CACNA1C: variants seen among roughly 807,000 people sequenced by gnomAD.
The protein encoded by CACNA1C is calcium voltage-gated channel subunit alpha1 C.
In CACNA1C, 30 loss-of-function variants were observed where a neutral mutation model predicts 229.0. The ratio of observed to expected loss-of-function variants is 0.13; its 90% confidence interval spans 0.10 to 0.18. The LOEUF is 0.18. CACNA1C is among the 10% of genes least tolerant of loss of function. The pLI is 1.00. For synonymous variants in CACNA1C, 1,114 were observed against 1,132.5 expected (o/e 0.98, Z 0.33); for missense variants, 1,658 against 2,845.0 (o/e 0.58, Z 9.49).
chr12:2,284,825 C>T (rs2092362526), intron 3 of CACNA1C, among the ~76,000 whole-genome samples: 1 of 152,228 alleles, frequency 6.6e-6, no homozygotes, highest in Non-Finnish European at 1.5e-5. Flanking sequence ...ATGCCCGCTG[C>T]TCCAAGGGGA....
At chr12:2,623,305 G>A (rs1466051439) in intron 29 of CACNA1C, among the ~76,000 whole-genome samples, 1 of 152,006 alleles carries the variant, frequency 6.6e-6, no homozygotes, top group South Asian at 2.1e-4. Flanking sequence ...CAGAAGCTTC[G>A]CTGTTCCTCG....
At chr12:2,576,682 C>T (rs528335029) in intron 13 of CACNA1C, among the ~76,000 whole-genome samples, 4 of 152,228 alleles carry the variant, frequency 2.6e-5, no homozygotes, top group African/African-American at 4.8e-5. Flanking sequence ...CATAGCTGTG[C>T]GAGCCATCAG....
rs1021418412 is a variant in CACNA1C at position 2,487,109 on chromosome 12, A to G, written c.916+847A>G. On this transcript the variant is annotated intron_variant, in intron 6 of 46. Transcript: ENST00000399655. Reference sequence around the variant, plus strand: ...ACAGAAATTGACAAGGCTTTTAAACAGACATATACAGTGGCTTAACACAAA... The same window carrying G: ...ACAGAAATTGACAAGGCTTTTAAACGGACATATACAGTGGCTTAACACAAA... 5.9e-5 allele frequency among the ~76,000 whole-genome samples: 9 copies of G among 152,190 alleles called. No individual in the cohort carries two copies. The East Asian group carries it at 1.7e-3, about 29-fold the overall frequency.
At chr12:2,112,018 C>T (rs2081962285) in intron 1 of CACNA1C, among the ~76,000 whole-genome samples, 1 of 152,194 alleles carries the variant, frequency 6.6e-6, no homozygotes, top group Non-Finnish European at 1.5e-5. Flanking sequence ...TGCACCTTGT[C>T]TGTCACCATG....
In CACNA1C at chr12:2,378,798, C is replaced by T. The variant is rs182384028; in HGVS notation, c.478-70178C>T. On this transcript the variant is annotated intron_variant, in intron 3 of 46. Coordinates refer to ENST00000399655, the MANE Select transcript of CACNA1C (RefSeq NM_000719.7). ...ATTTGGGTCCTTCCTTCCTTCCTTC[C>T]TTCCTTCCTTCCTTCCTTCCTCTCT... is the stretch of plus-strand genomic sequence containing the variant. Among the ~76,000 whole-genome samples, 10 of 137,866 alleles carry T rather than the reference C, an allele frequency of 7.3e-5. 1 individual carries two copies. The highest frequency in any genetic ancestry group is 7.2e-4 in the Admixed American group (10 of 13,808). 90.4% of individuals were successfully genotyped at this position (137,866 alleles called of 152,430 possible). A position where few individuals can be genotyped will look rare whatever the true frequency, so the allele number is the denominator to read the frequency against.
At chr12:2,435,151 G>A (rs1409996140) in intron 3 of CACNA1C, among the ~76,000 whole-genome samples, 1 of 152,194 alleles carries the variant, frequency 6.6e-6, no homozygotes, top group South Asian at 2.1e-4. Context: ...TGAGGATCTT[G>A]TGTTTCTCAT....
At chr12:2,001,177 C>T (rs1040237993) in intron 1 of CACNA1C, among the ~76,000 whole-genome samples, 16 of 152,248 alleles carry the variant, frequency 1.1e-4, no homozygotes, top group African/African-American at 1.9e-4. Context: ...CCCAAATTCA[C>T]GCATTTTCCT....
At chr12:2,614,610 T>A (rs545017316) in intron 29 of CACNA1C, 2 of 152,234 alleles carry the variant, frequency 1.3e-5, no homozygotes, top group Non-Finnish European at 2.9e-5. Context: ...ATGACAACTT[T>A]CATTTCCCAC....
At chr12:2,447,860 G>A (rs1596507655) in intron 3 of CACNA1C, among the ~76,000 whole-genome samples, 1 of 152,376 alleles carries the variant, frequency 6.6e-6, no homozygotes, top group East Asian at 1.9e-4. Context: ...GGGAAAATGG[G>A]TCTAGGGGTT....
chr12:2,048,366 C>G (rs979089599), upstream of CACNA1C: 1 of 152,206 alleles, frequency 6.6e-6, no homozygotes, highest in Non-Finnish European at 1.5e-5. Flanking sequence ...TCTGACTCCA[C>G]TCTTCCTACT....
chr12:2,271,741 A>T (rs2085087470), intron 3 of CACNA1C, among the ~76,000 whole-genome samples: 1 of 151,994 alleles, frequency 6.6e-6, no homozygotes, highest in Non-Finnish European at 1.5e-5. Context: ...TCTACAAAAA[A>T]AAAAATTAGC....
At position 2,053,699 on chromosome 12, in the gene CACNA1C, C is replaced by G; in HGVS notation, c.49+88C>G. ...CCCGCGCTCCCCGCGGCCCCGGGGCCGGTCCCTGCGGAGTGGCCCGGGGCC... is the reference window on the plus strand; with the variant it reads ...CCCGCGCTCCCCGCGGCCCCGGGGCGGGTCCCTGCGGAGTGGCCCGGGGCC... On this transcript the variant is annotated intron_variant, in intron 1 of 46. Transcript: ENST00000399655. This position sits in a 1 kb window ranked among gnomAD's most constrained non-coding sequence, Gnocchi z 5.8. The G allele has an allele frequency of 8.6e-7, 1 of 1,168,032 alleles. No homozygotes were observed. Among genetic ancestry groups the G allele is most frequent in the Non-Finnish European group, 1.1e-6 (1 of 913,944 alleles). 72.4% of individuals were successfully genotyped at this position (1,168,032 alleles called of 1,614,324 possible).
intron 13 of CACNA1C, among the ~76,000 whole-genome samples, chr12:2,577,743 T>G (rs374749069): frequency 6.6e-6 from 1 of 152,358 alleles, no homozygotes; most frequent in African/African-American, 2.4e-5. Flanking sequence ...AAATGTTTGC[T>G]CATCACCTGC....
intron 9 of CACNA1C, among the ~76,000 whole-genome samples, chr12:2,524,380 T>C (rs985336651): frequency 2.6e-5 from 4 of 152,136 alleles, no homozygotes; most frequent in African/African-American, 9.7e-5. Context: ...CAGTGATGAA[T>C]TGCAGTCATG....
chr12:2,117,250 A>G (rs2084350872), intron 2 of CACNA1C, among the ~76,000 whole-genome samples: 1 of 151,360 alleles, frequency 6.6e-6, no homozygotes, highest in Non-Finnish European at 1.5e-5. Context: ...CAGCCTGAGG[A>G]AAAGAGTGAA....
chr12:2,039,044 G>A (rs1172286715), intron 1 of CACNA1C, among the ~76,000 whole-genome samples: 1 of 152,320 alleles, frequency 6.6e-6, no homozygotes, highest in South Asian at 2.1e-4. Context: ...CCATAGGTAG[G>A]AAATTGCAAA....
At chr12:2,229,220 T>C (rs2063955989) in intron 3 of CACNA1C, among the ~76,000 whole-genome samples, 1 of 152,160 alleles carries the variant, frequency 6.6e-6, no homozygotes, top group African/African-American at 2.4e-5. Context: ...ATGTGGGTAG[T>C]CCATTTTTAC....
Position 2,695,553 on chromosome 12 carries a change from G to A in CACNA1C, c.*4354G>A, listed in dbSNP as rs1415199282. The A allele has an allele frequency of 1.3e-5, 2 of 152,366 alleles. No homozygotes were observed. The highest frequency in any genetic ancestry group is 4.8e-5 in the African/African-American group (2 of 41,454). 9.4% of individuals were successfully genotyped at this position (152,366 alleles called of 1,614,324 possible). A position where few individuals can be genotyped will look rare whatever the true frequency, so the allele number is the denominator to read the frequency against. Reference sequence around the variant, plus strand: ...GGTTCTCCAGAGGCTACGATTTGAGGAGGTTGAGGGGGAAGACAGGAGGGA... The same window carrying A: ...GGTTCTCCAGAGGCTACGATTTGAGAAGGTTGAGGGGGAAGACAGGAGGGA... On this transcript the variant is annotated 3_prime_UTR_variant, in exon 47 of 47. Transcript: ENST00000399655.
chr12:2,292,120 G>A (rs1003761014), intron 3 of CACNA1C, among the ~76,000 whole-genome samples: 5 of 152,236 alleles, frequency 3.3e-5, no homozygotes, highest in African/African-American at 7.2e-5. Context: ...GCACTACTAA[G>A]TGCCAGGCCT....
Sources: allele counts gnomAD v4.1 joint callset (sites outside exome capture counted in the v4.1 genomes callset), GRCh38; gene constraint gnomAD v4.1.1; non-coding constraint Gnocchi (gnomAD v3.1); transcripts MANE v1.5; gene names NCBI Gene and HGNC (gene_info 2026-07-23, HGNC 2026-07-21).